The following RPGRIP1 variants were observed in gnomAD, a reference collection of about 807,000 sequenced individuals.
The protein encoded by RPGRIP1 is RPGR interacting protein 1, also known as X-linked retinitis pigmentosa GTPase regulator-interacting protein 1.
Under a neutral mutation model 157.9 loss-of-function variants are expected in RPGRIP1, and 128 were observed. The ratio of observed to expected loss-of-function variants is 0.81; its 90% CI spans 0.70 to 0.94. The LOEUF (loss-of-function observed/expected upper bound fraction) is 0.94, where lower values mean the gene tolerates loss of function less well. Ranked by LOEUF, RPGRIP1 falls within the 40% of genes least tolerant of loss-of-function variation. The pLI is 0.00. For missense variants in RPGRIP1, 1,486 were observed against 1,545.8 expected (o/e 0.96, Z 0.65); for synonymous variants, 554 against 571.6 (o/e 0.97, Z 0.44).
At chr14:21,322,937 T>C (rs1882659183) in intron 14 of RPGRIP1, among the ~76,000 whole-genome samples, 1 of 152,202 alleles carries the variant, frequency 6.6e-6, no homozygotes. Flanking sequence ...TTTGTTATTA[T>C]ACCCAGTGGT....
In RPGRIP1 at chr14:21,303,332, G is replaced by T. The variant is rs1316901387; in HGVS notation, c.589G>T (p.Val197Phe). 6.2e-7 allele frequency: 1 copy of T among 1,608,714 alleles called. No individual in the cohort carries two copies. Among genetic ancestry groups the T allele is most frequent in the Admixed American group, 1.7e-5 (1 of 59,470 alleles). The stretch of plus-strand genomic sequence containing the variant: ...TCTAAGTATCCTTTTTGTATTTAGT[G>T]TTTCTGGTTCTAACAGCATAATTTC... The part of the protein sequence containing the change: ...GEVASKPSEL[V>F]SGSNSIISFS... The change falls in exon 6 of 25, where the codon GTT becomes TTT. Residue 197 changes from valine (V) to phenylalanine (F), a missense_variant and splice_region_variant. Val to Phe is a conservative substitution (Grantham distance 50, BLOSUM62 -1). Coordinates refer to ENST00000400017, the MANE Select transcript of RPGRIP1 (RefSeq NM_020366.4).
At chr14:21,318,347 G>T in intron 11 of RPGRIP1, 1 of 310,450 alleles carries the variant, frequency 3.2e-6, no homozygotes, top group Non-Finnish European at 6.3e-6. Context: ...CCTGACCTCA[G>T]ATGATCCACC....
chr14:21,345,680 C>T (rs896122284), intron 23 of RPGRIP1, among the ~76,000 whole-genome samples: 2 of 152,212 alleles, frequency 1.3e-5, no homozygotes, highest in African/African-American at 4.8e-5. Context: ...GCTGGGATTA[C>T]AGGCGTGAGC....
intron 10 of RPGRIP1, among the ~76,000 whole-genome samples, chr14:21,315,775 G>A (rs1236621138): frequency 6.6e-6 from 1 of 151,332 alleles, no homozygotes; most frequent in Non-Finnish European, 1.5e-5. Flanking sequence ...GTTAATACTT[G>A]CCTAAGTAGG....
intron 20 of RPGRIP1, among the ~76,000 whole-genome samples, chr14:21,331,965 GTCTC>G (rs1594235077): frequency 7.9e-6 from 1 of 127,244 alleles, no homozygotes; most frequent in Admixed American, 9.0e-5. Flanking sequence ...TTGAGATGAA[GTCTC>G]TCTCTGTCAC....
chr14:21,320,784 A>G (rs889836832), intron 12 of RPGRIP1, among the ~76,000 whole-genome samples: 4 of 150,960 alleles, frequency 2.6e-5, no homozygotes, highest in African/African-American at 9.8e-5. Flanking sequence ...TATTTTTAGT[A>G]GAGACAGGGT....
In RPGRIP1 at chr14:21,320,157, C is replaced by A. The variant is rs368781265; in HGVS notation, c.1447C>A (p.Gln483Lys). The stretch of plus-strand genomic sequence containing the variant: ...ACCAGCCACTCACCCAGCTGTATTG[C>A]AAGAGAACACTCAGATCGAGGTAAG... ...SEPATHPAVL[Q>K]ENTQIEPSEP... is the part of the protein sequence containing the mutation. Residue 483 changes from glutamine to lysine, a missense_variant, in exon 12 of 25, where the codon CAA (glutamine) becomes AAA (lysine). By Grantham distance (53) the Gln-to-Lys change is moderately conservative (BLOSUM62 1). Transcript: ENST00000400017. The A allele has an allele frequency of 1.2e-6, 2 of 1,613,900 alleles. No homozygotes were observed. The highest frequency in any genetic ancestry group is 1.7e-6 in the Non-Finnish European group (2 of 1,179,848).
At chr14:21,316,324 C>G (rs1881806259) in intron 10 of RPGRIP1, among the ~76,000 whole-genome samples, 1 of 152,078 alleles carries the variant, frequency 6.6e-6, no homozygotes. Context: ...GTTGGCCAGG[C>G]TGGCCTCGAA....
chr14:21,282,031 G>C (rs1007835846), intron 1 of RPGRIP1, among the ~76,000 whole-genome samples: 1 of 152,120 alleles, frequency 6.6e-6, no homozygotes, highest in Non-Finnish European at 1.5e-5. Flanking sequence ...GGAAGCGGAG[G>C]TTGCAGTAAA....
At chr14:21,280,376 TG>T (rs34839668) in intron 1 of RPGRIP1, among the ~76,000 whole-genome samples, 21,373 of 151,274 alleles carry the variant, frequency 0.14, 1,850 homozygotes, top group Admixed American at 0.23. Flanking sequence ...CCCAAGTAGC[TG>T]GGGACTACAG....
chr14:21,351,135 A>T lies in RPGRIP1; in HGVS notation c.3780A>T (p.Ile1260=), dbSNP rs281865294. 29 of 1,612,230 alleles carry T rather than the reference A, an allele frequency of 1.8e-5. No homozygotes were observed. Among genetic ancestry groups the T allele is most frequent in the Admixed American group, 5.0e-5 (3 of 59,812 alleles). The part of the protein sequence containing the change: ...IVSPEDLATP[I]GRLKVSLQAA... The stretch of plus-strand genomic sequence containing the variant: ...GCCCTGAAGATCTGGCTACCCCAAT[A>T]GGAAGGCTGAAGGTTTCCCTTCAAG... The change falls in exon 25 of 25, where the codon ATA becomes ATT. Residue 1260 remains isoleucine, a synonymous_variant. Transcript: ENST00000400017.
At chr14:21,323,206 G>A (rs1882692257) in intron 14 of RPGRIP1, among the ~76,000 whole-genome samples, 1 of 152,086 alleles carries the variant, frequency 6.6e-6, no homozygotes, top group South Asian at 2.1e-4. Context: ...CGGATTGCCT[G>A]AGGTCAGGAG....
intron 23 of RPGRIP1, 44 bp downstream of exon 23, chr14:21,345,241 C>G: frequency 2.8e-6 from 4 of 1,432,320 alleles, no homozygotes; most frequent in Non-Finnish European, 3.9e-6. Context: ...GATATTGAGA[C>G]AGAAATTCAA....
intron 6 of RPGRIP1, among the ~76,000 whole-genome samples, chr14:21,306,752 G>A (rs117111977): frequency 0.025 from 3,629 of 147,110 alleles, 70 homozygotes; most frequent in Non-Finnish European, 0.037. Flanking sequence ...CCACCGTGCC[G>A]GGTGTATTTT....
At chr14:21,321,452 A>G (rs1400249027) in intron 13 of RPGRIP1, 50 bp downstream of exon 13, 1 of 1,581,460 alleles carries the variant, frequency 6.3e-7, no homozygotes, top group African/African-American at 1.4e-5. Flanking sequence ...GAACGTGGGA[A>G]CCACTCACAG....
rs1289895137 is a variant in RPGRIP1 at position 21,328,301 on chromosome 14, A to G, written c.2896-123A>G. 1.0e-5 allele frequency: 7 copies of G among 695,272 alleles called. No homozygotes were observed. In the East Asian group the frequency reaches 1.9e-4, roughly 19 times the overall value. 43.1% of individuals were successfully genotyped at this position (695,272 alleles called of 1,614,324 possible). A position where few individuals can be genotyped will look rare whatever the true frequency, so the allele number is the denominator to read the frequency against. The stretch of plus-strand genomic sequence containing the variant: ...GTTTTACTGCGGAAAAGAGAGAGAA[A>G]TAGCATTTCTCAGCTCCATGAGGAG... On this transcript the variant is annotated intron_variant, in intron 18 of 24. Transcript: ENST00000400017.
chr14:21,316,458 C>G (rs924027940), intron 10 of RPGRIP1, among the ~76,000 whole-genome samples: 1 of 152,062 alleles, frequency 6.6e-6, no homozygotes, highest in South Asian at 2.1e-4. Flanking sequence ...ACACTGTTAC[C>G]TGGGCTGGTG....
At chr14:21,345,771 C>T (rs1280836890) in intron 23 of RPGRIP1, among the ~76,000 whole-genome samples, 2 of 151,862 alleles carry the variant, frequency 1.3e-5, no homozygotes, top group Non-Finnish European at 2.9e-5. Flanking sequence ...TTTGTAGCAG[C>T]AGTTTACTTG....
At chr14:21,303,997 A>AGAAAAGAAAAG (rs141377760) in intron 6 of RPGRIP1, among the ~76,000 whole-genome samples, 1 of 145,668 alleles carries the variant, frequency 6.9e-6, no homozygotes, top group African/African-American at 2.6e-5. Flanking sequence ...TCAAAAAAAA[A>AGAAAAGAAAAG]AAAAGAAAAG....
Sources: gnomAD v4.1 joint callset for allele counts (sites outside exome capture counted in the v4.1 genomes callset) on GRCh38, gnomAD v4.1.1 for gene constraint, MANE v1.5 for transcripts, NCBI Gene and HGNC (gene_info 2026-07-23, HGNC 2026-07-21) for gene names.